Variants in SPOCK3 observed in about 807,000 individuals in gnomAD.
SPOCK3 encodes the protein SPARC (osteonectin), cwcv and kazal like domains proteoglycan 3.
SPOCK3 carries 30 observed loss-of-function variants against 56.6 expected under a neutral mutation model. That is an observed-to-expected ratio of 0.53 (90% CI 0.40 to 0.72). SPOCK3 has a LOEUF of 0.72. SPOCK3 is among the 30% of genes least tolerant of loss of function. The probability of loss-of-function intolerance (pLI) is 0.00; values close to 1 mark genes in which losing one functional copy is unlikely to be tolerated. For missense variants in SPOCK3, 527 were observed against 530.0 expected (o/e 0.99, Z 0.06); for synonymous variants, 196 against 183.3 (o/e 1.07, Z -0.56).
intron 2 of SPOCK3, among the ~76,000 whole-genome samples, chr4:167,141,970 G>A (rs549387765): frequency 6.6e-6 from 1 of 151,980 alleles, no homozygotes; most frequent in South Asian, 2.1e-4. Context: ...AAATGGCCTG[G>A]GCTTTCTCAA....
chr4:167,163,442 A>C (rs1765496351), intron 2 of SPOCK3, among the ~76,000 whole-genome samples: 1 of 151,966 alleles, frequency 6.6e-6, no homozygotes. Flanking sequence ...TTGTGTTATA[A>C]ACCACTTATA....
At chr4:167,081,081 C>T (rs1285067627) in intron 2 of SPOCK3, among the ~76,000 whole-genome samples, 1 of 151,794 alleles carries the variant, frequency 6.6e-6, no homozygotes, top group Non-Finnish European at 1.5e-5. Flanking sequence ...TTCTTTGAAG[C>T]TCACCTGATA....
At chr4:167,200,391 C>A (rs972281145) in intron 2 of SPOCK3, among the ~76,000 whole-genome samples, 1 of 151,892 alleles carries the variant, frequency 6.6e-6, no homozygotes, top group Non-Finnish European at 1.5e-5. Context: ...AAGGATGGCA[C>A]ATTAGATTTC....
intron 2 of SPOCK3, among the ~76,000 whole-genome samples, chr4:167,082,751 GAA>G (rs1491347348): frequency 7.9e-6 from 1 of 126,684 alleles, no homozygotes; most frequent in African/African-American, 2.9e-5. Flanking sequence ...AGGAAGGAAG[GAA>G]GGAAGGGAGG....
At chr4:167,151,678 G>A (rs1764440723) in intron 2 of SPOCK3, among the ~76,000 whole-genome samples, 3 of 151,810 alleles carry the variant, frequency 2.0e-5, no homozygotes, top group South Asian at 2.1e-4. Flanking sequence ...CTCGTGATCC[G>A]CCCGTCTCGG....
At chr4:167,114,544 G>GA (rs1004188938) in intron 2 of SPOCK3, among the ~76,000 whole-genome samples, 10 of 152,182 alleles carry the variant, frequency 6.6e-5, no homozygotes, top group African/African-American at 2.2e-4. Flanking sequence ...TGCAGGTACA[G>GA]AAAAAAATTA....
intron 2 of SPOCK3, among the ~76,000 whole-genome samples, chr4:167,219,212 G>A (rs1735659738): frequency 6.6e-6 from 1 of 152,100 alleles, no homozygotes; most frequent in Non-Finnish European, 1.5e-5. Flanking sequence ...AGCCTTACTG[G>A]AAGACTAGGA....
At chr4:167,028,157 C>G (rs1042017650) in intron 3 of SPOCK3, among the ~76,000 whole-genome samples, 1 of 151,682 alleles carries the variant, frequency 6.6e-6, no homozygotes, top group Non-Finnish European at 1.5e-5. Context: ...GAGGCTGAGG[C>G]AGGAGGATCA....
intron 3 of SPOCK3, among the ~76,000 whole-genome samples, chr4:167,046,450 C>CTTTTTTTTTTTTTTTTTTTTTTTTTTTT (rs67108499): frequency 1.9e-5 from 1 of 53,704 alleles, no homozygotes; most frequent in Non-Finnish European, 3.3e-5. Flanking sequence ...TTCTGATATT[C>CTTTTTTTTTTTTTTTTTTTTTTTTTTTT]TTTTTTTTTT....
intron 2 of SPOCK3, among the ~76,000 whole-genome samples, chr4:167,097,208 T>G (rs533800180): frequency 6.6e-6 from 1 of 152,016 alleles, no homozygotes; most frequent in South Asian, 2.1e-4. Context: ...TATCTAACAT[T>G]TAAATAACTG....
At chr4:167,101,660 T>G (rs1759656902) in intron 2 of SPOCK3, among the ~76,000 whole-genome samples, 1 of 151,742 alleles carries the variant, frequency 6.6e-6, no homozygotes, top group Non-Finnish European at 1.5e-5. Context: ...TTCAATATGC[T>G]AATTCTCTAA....
At chr4:167,021,835 C>T (rs1367452121) in intron 3 of SPOCK3, among the ~76,000 whole-genome samples, 1 of 151,988 alleles carries the variant, frequency 6.6e-6, no homozygotes, top group Non-Finnish European at 1.5e-5. Flanking sequence ...ACAGACATGT[C>T]CAGATTGTTT....
chr4:166,740,490 G>A (rs1336082290), intron 9 of SPOCK3, among the ~76,000 whole-genome samples: 1 of 142,708 alleles, frequency 7.0e-6, no homozygotes, highest in Non-Finnish European at 1.5e-5. Context: ...ATCTATATAA[G>A]AACTTATTAT....
intron 2 of SPOCK3, among the ~76,000 whole-genome samples, chr4:167,130,688 A>C (rs1386978003): frequency 6.6e-6 from 1 of 152,222 alleles, no homozygotes; most frequent in Non-Finnish European, 1.5e-5. Context: ...CAAGTAAGAC[A>C]GTTAGACATT....
chr4:167,202,859 TAA>T (rs1415320470), intron 2 of SPOCK3, among the ~76,000 whole-genome samples: 1 of 151,902 alleles, frequency 6.6e-6, no homozygotes, highest in East Asian at 1.9e-4. Flanking sequence ...AGGGGAATAC[TAA>T]ACCATTTGGC....
At chr4:167,232,169 C>T (rs1737243745) in intron 2 of SPOCK3, among the ~76,000 whole-genome samples, 1 of 152,024 alleles carries the variant, frequency 6.6e-6, no homozygotes, top group African/African-American at 2.4e-5. Context: ...CAAACACATT[C>T]ACAAACTGTC....
chr4:167,116,343 G>GA lies in SPOCK3; in HGVS notation c.190-53807dup, dbSNP rs548923952. Among the ~76,000 whole-genome samples, 14 of 149,412 alleles carry GA rather than the reference G, an allele frequency of 9.4e-5. No individual in the cohort carries two copies. In the East Asian group the frequency reaches 2.4e-3, roughly 25 times the overall value. ...AAGATGATTGCTTCCTCTTTGAAAT[G>GA]AAAAATGAAAGCAAGTCAAATAAAT... On this transcript the variant is annotated intron_variant, in intron 2 of 10. Transcript: ENST00000357545.
rs1745795190 is a variant in SPOCK3 at position 166,829,275 on chromosome 4, A to G, written c.590-36986T>C. On this transcript the variant is annotated intron_variant, in intron 6 of 10. Coordinates refer to ENST00000357545, the MANE Select transcript of SPOCK3 (RefSeq NM_001040159.2). ...CTGGAGATTACACTATGTAAAAGTT[A>G]GCAGATAAAGACTACCTTTGTAAAG... Among the ~76,000 whole-genome samples, 6 of 152,084 alleles carry G rather than the reference A, an allele frequency of 3.9e-5. No individual in the cohort carries two copies. In the South Asian group the frequency reaches 1.2e-3, roughly 31 times the overall value.
At chr4:167,116,651 CACATATATACG>C (rs1761396843) in intron 2 of SPOCK3, among the ~76,000 whole-genome samples, 2 of 81,462 alleles carry the variant, frequency 2.5e-5, no homozygotes, top group Admixed American at 3.3e-4. Flanking sequence ...TATATATATA[CACATATATACG>C]TATATAGTAT....
Sources: gnomAD v4.1 joint callset for allele counts (sites outside exome capture counted in the v4.1 genomes callset) on GRCh38, gnomAD v4.1.1 for gene constraint, MANE v1.5 for transcripts, NCBI Gene and HGNC (gene_info 2026-07-23, HGNC 2026-07-21) for gene names.